The following ACSS2 variants were observed in gnomAD, a reference collection of about 807,000 sequenced individuals.
ACSS2 encodes acyl-CoA synthetase short chain family member 2.
Under a neutral mutation model 90.6 loss-of-function variants are expected in ACSS2, and 58 were observed. The ratio of observed to expected loss-of-function variants is 0.64; its 90% CI spans 0.52 to 0.80. The LOEUF (loss-of-function observed/expected upper bound fraction) is 0.80. Ranked by LOEUF, ACSS2 falls within the 30% of genes least tolerant of loss-of-function variation. The pLI is 0.00. For synonymous variants in ACSS2, 300 were observed against 330.9 expected (o/e 0.91, Z 1.01); for missense variants, 759 against 912.0 (o/e 0.83, Z 2.16).
intron 2 of ACSS2, among the ~76,000 whole-genome samples, chr20:34,899,683 T>A (rs1298154702): frequency 1.3e-5 from 2 of 151,860 alleles, no homozygotes; most frequent in African/African-American, 4.8e-5. Context: ...GAGACGGGGT[T>A]TCACCATGTT....
intron 2 of ACSS2, among the ~76,000 whole-genome samples, chr20:34,899,797 C>A (rs1290531181): frequency 1.3e-5 from 2 of 152,074 alleles, no homozygotes; most frequent in East Asian, 3.9e-4. Flanking sequence ...CCACATTTTT[C>A]TTTATTCATT....
At chr20:34,897,966 A>C (rs963847437) in intron 2 of ACSS2, among the ~76,000 whole-genome samples, 1 of 152,164 alleles carries the variant, frequency 6.6e-6, no homozygotes, top group African/African-American at 2.4e-5. Flanking sequence ...TTCAAGAATG[A>C]AGCCGTGGAC....
At chr20:34,913,531 G>T (rs199978236) in intron 4 of ACSS2, 35 bp downstream of exon 4, 72 of 1,585,794 alleles carry the variant, frequency 4.5e-5, no homozygotes, top group South Asian at 6.7e-5. Flanking sequence ...GGGCAGGCGG[G>T]GGGGTGGGGC....
chr20:34,897,038 A>AG (rs1002187722), intron 2 of ACSS2, among the ~76,000 whole-genome samples: 3 of 149,760 alleles, frequency 2.0e-5, no homozygotes, highest in Non-Finnish European at 4.4e-5. Flanking sequence ...AAAAAAAGGA[A>AG]AAAAAAAAAT....
At chr20:34,876,577 G>C, upstream of ACSS2, 1 of 1,281,698 alleles carries the variant, frequency 7.8e-7, no homozygotes, top group Non-Finnish European at 9.9e-7. Flanking sequence ...CCTCTAGTTC[G>C]GCCTGTTTTC....
chr20:34,917,700 C>T (rs2081103412), intron 7 of ACSS2, among the ~76,000 whole-genome samples: 2 of 152,180 alleles, frequency 1.3e-5, no homozygotes, highest in South Asian at 2.1e-4. Flanking sequence ...AAACCCCAAA[C>T]AGTTCCTATC....
Position 34,927,470 on chromosome 20 carries a change from A to G in ACSS2, c.*256A>G, listed in dbSNP as rs1207171296. On this transcript the variant is annotated 3_prime_UTR_variant, in exon 18 of 18. Transcript: ENST00000360596. The surrounding 1 kb of genome is among the most constrained non-coding windows in gnomAD (Gnocchi z 4.2). ...CTCTCAGAACCCAGAACAGAGACGA[A>G]AAGGCTACCTCTCCTACCCAAGTTA... The G allele has an allele frequency of 3.8e-6, 2 of 531,406 alleles. No individual in the cohort carries two copies. The highest frequency in any genetic ancestry group is 6.3e-5 in the East Asian group (2 of 31,682). 32.9% of individuals were successfully genotyped at this position (531,406 alleles called of 1,614,324 possible). A position where few individuals can be genotyped will look rare whatever the true frequency, so the allele number is the denominator to read the frequency against.
chr20:34,913,012 T>G, intron 2 of ACSS2, 84 bp from the exon 3 acceptor site: 1 of 1,063,298 alleles, frequency 9.4e-7, no homozygotes, highest in Non-Finnish European at 1.5e-6. Flanking sequence ...TTAGTGTCAC[T>G]GAATGGATTT....
chr20:34,910,652 T>A (rs1339541930), intron 2 of ACSS2, among the ~76,000 whole-genome samples: 3 of 152,204 alleles, frequency 2.0e-5, no homozygotes, highest in African/African-American at 7.2e-5. Context: ...AGACCCTGTC[T>A]CTAAAAAACA....
At chr20:34,899,649 C>T (rs534466154) in intron 2 of ACSS2, among the ~76,000 whole-genome samples, 19 of 151,876 alleles carry the variant, frequency 1.3e-4, no homozygotes, top group Admixed American at 7.9e-4. Flanking sequence ...CCACCACGCC[C>T]GGCTAATTTT....
chr20:34,881,014 CA>C (rs1236567163), intron 1 of ACSS2, among the ~76,000 whole-genome samples: 1 of 141,914 alleles, frequency 7.0e-6, no homozygotes, highest in Non-Finnish European at 1.5e-5. Context: ...CTCTTTCCTC[CA>C]AATTTTTTTT....
intron 1 of ACSS2, among the ~76,000 whole-genome samples, chr20:34,877,929 T>C (rs1395798300): frequency 6.7e-6 from 1 of 150,128 alleles, no homozygotes; most frequent in African/African-American, 2.5e-5. Context: ...GATAGATAGA[T>C]AGATAGATAG....
intron 2 of ACSS2, among the ~76,000 whole-genome samples, chr20:34,900,414 A>C (rs2080627255): frequency 6.6e-6 from 1 of 150,732 alleles, no homozygotes; most frequent in Admixed American, 6.6e-5. Context: ...ACCTCAGGTG[A>C]TCCTCCCACC....
At position 34,877,558 on chromosome 20, in the gene ACSS2, CTG is replaced by C. The variant is rs756695697; in HGVS notation, c.178+737_178+738del. Among the ~76,000 whole-genome samples the C allele has an allele frequency of 7.2e-4, 109 of 152,078 alleles. 1 individual carries two copies. Among genetic ancestry groups the C allele is most frequent in the Non-Finnish European group, 5.4e-4 (37 of 68,020 alleles). ...ATCGGCCAGGAGCAGTGGCTCACGC[CTG>C]TAATCCCAGCACTTTGGGAGGCCGA... On this transcript the variant is annotated intron_variant, in intron 1 of 17. Coordinates refer to ENST00000360596, the MANE Select transcript of ACSS2 (RefSeq NM_018677.4).
chr20:34,915,376 C>G, intron 7 of ACSS2: 1 of 1,173,340 alleles, frequency 8.5e-7, no homozygotes, highest in Non-Finnish European at 1.3e-6. Context: ...TTCCCCTTGC[C>G]CCTGGGCAAC....
intron 9 of ACSS2, 47 bp from the exon 10 acceptor site, chr20:34,920,959 G>C (rs753739559): frequency 1.9e-6 from 3 of 1,611,274 alleles, no homozygotes; most frequent in Non-Finnish European, 2.5e-6. Flanking sequence ...GGGATGAATA[G>C]AAGGACTATT....
At chr20:34,889,131 AT>A (rs570812998) in intron 2 of ACSS2, among the ~76,000 whole-genome samples, 2 of 138,984 alleles carry the variant, frequency 1.4e-5, no homozygotes, top group African/African-American at 2.7e-5. Context: ...ATTTTATTTT[AT>A]TTTTTTTTGA....
At chr20:34,909,835 G>A (rs913102767) in intron 2 of ACSS2, among the ~76,000 whole-genome samples, 1 of 151,206 alleles carries the variant, frequency 6.6e-6, no homozygotes, top group African/African-American at 2.4e-5. Context: ...TCCCGCCTTA[G>A]CCTCCCAAGT....
intron 1 of ACSS2, among the ~76,000 whole-genome samples, chr20:34,880,239 A>G (rs796601941): frequency 2.3e-4 from 35 of 152,262 alleles, no homozygotes; most frequent in African/African-American, 7.9e-4. Context: ...GATAGCAGAG[A>G]AAAGGGTATA....
Sources: allele counts gnomAD v4.1 joint callset (sites outside exome capture counted in the v4.1 genomes callset), GRCh38; gene constraint gnomAD v4.1.1; non-coding constraint Gnocchi (gnomAD v3.1); transcripts MANE v1.5; gene names NCBI Gene and HGNC (gene_info 2026-07-23, HGNC 2026-07-21).